KLHL6: variants seen among roughly 807,000 people sequenced by gnomAD.
KLHL6 encodes the protein kelch like family member 6.
KLHL6 carries 41 observed loss-of-function variants against 58.6 expected under a neutral mutation model. The observed-to-expected ratio is 0.70, with a 90% CI of 0.55 to 0.91. The LOEUF is 0.91. Ranked by LOEUF, KLHL6 falls within the 40% of genes least tolerant of loss-of-function variation. KLHL6 has a pLI of 0.00. For missense variants in KLHL6, 714 were observed against 805.6 expected, an observed-to-expected ratio of 0.89 and a Z score of 1.38; for synonymous variants, 338 against 322.7, an observed-to-expected ratio of 1.05 and a Z score of -0.51.
intron 4 of KLHL6, among the ~76,000 whole-genome samples, chr3:183,494,693 A>G (rs1717668458): frequency 6.6e-6 from 1 of 152,224 alleles, no homozygotes; most frequent in Admixed American, 6.5e-5. Flanking sequence ...CAGAAGGCAA[A>G]TTACATGGCA....
chr3:183,500,515 T>C (rs1717841244), intron 3 of KLHL6, among the ~76,000 whole-genome samples: 1 of 152,204 alleles, frequency 6.6e-6, no homozygotes, highest in Non-Finnish European at 1.5e-5. Flanking sequence ...CCATGTGACC[T>C]TGGAGAAGTA....
chr3:183,496,131 A>T (rs1407133876), intron 4 of KLHL6, among the ~76,000 whole-genome samples: 1 of 152,196 alleles, frequency 6.6e-6, no homozygotes, highest in African/African-American at 2.4e-5. Flanking sequence ...ATATAAAGGT[A>T]AAAAACAACC....
At chr3:183,514,519 C>A (rs924257040) in intron 2 of KLHL6, among the ~76,000 whole-genome samples, 4 of 152,002 alleles carry the variant, frequency 2.6e-5, no homozygotes, top group Admixed American at 6.6e-5. Flanking sequence ...ACTCCAGAGC[C>A]CAACTTTTTA....
Position 183,492,573 on chromosome 3 carries a change from C to T in KLHL6, c.1485G>A (p.Lys495=). 6.2e-7 allele frequency: 1 copy of T among 1,614,252 alleles called. No homozygotes were observed. The highest frequency in any genetic ancestry group is 8.5e-7 in the Non-Finnish European group (1 of 1,180,042). ...CGGGCATGGCCGCCTTCAAACTCCA[C>T]TTGTTGGTGGAAGGGTCATAACACT... ...KTQCYDPSTN[K]WSLKAAMPVE... is the part of the protein sequence containing the mutation. The change falls in exon 6 of 7, where the codon AAG becomes AAA. Residue 495 remains lysine (K), a synonymous_variant. Coordinates refer to ENST00000341319, the MANE Select transcript of KLHL6 (RefSeq NM_130446.4). The surrounding 1 kb of genome is among the most constrained non-coding windows in gnomAD (Gnocchi z 5.9).
rs976963479 is a variant in KLHL6, at chr3:183,492,289, A to C, written c.1565-61T>G. The C allele has an allele frequency of 2.0e-5, 29 of 1,457,080 alleles. No individual in the cohort carries two copies. Among genetic ancestry groups the C allele is most frequent in the Non-Finnish European group, 2.5e-5 (27 of 1,085,620 alleles). The allele number at this position is 1,457,080 out of a possible 1,614,324, so 90.3% of individuals were successfully genotyped here. Reference sequence around the variant, plus strand: ...CATTTTTCTGGTTTCTTCCCTCTTAACCACTAAAATTCAACTTCTGATTAG... The same window carrying C: ...CATTTTTCTGGTTTCTTCCCTCTTACCCACTAAAATTCAACTTCTGATTAG... On this transcript the variant is annotated intron_variant, in intron 6 of 6. Transcript: ENST00000341319. This position sits in a 1 kb window ranked among gnomAD's most constrained non-coding sequence, Gnocchi z 5.9.
intron 1 of KLHL6, chr3:183,552,292 A>G (rs1323908067): frequency 6.6e-6 from 1 of 152,260 alleles, no homozygotes; most frequent in African/African-American, 2.4e-5. Flanking sequence ...GTCTGTCCGT[A>G]GGGGACTGTT....
rs1717583080 is a variant in KLHL6, at chr3:183,492,235, A to G, written c.1565-7T>C. On this transcript the variant is annotated splice_region_variant and splice_polypyrimidine_tract_variant and intron_variant, in intron 6 of 6. Transcript: ENST00000341319. The surrounding 1 kb of genome is among the most constrained non-coding windows in gnomAD (Gnocchi z 5.9). ...AGCGCTCTCATGGCCCCACCTGAGG[A>G]GAGGGAGGAAACACGGTGGGCATCG... 6.3e-7 allele frequency: 1 copy of G among 1,580,616 alleles called. No homozygotes were observed. The highest frequency in any genetic ancestry group is 1.8e-5 in the Admixed American group (1 of 55,618).
intron 1 of KLHL6, among the ~76,000 whole-genome samples, chr3:183,534,132 G>GTGCTT (rs1675454448): frequency 6.2e-5 from 1 of 16,064 alleles, no homozygotes; most frequent in African/African-American, 1.2e-4. Context: ...AAAGTACTTT[G>GTGCTT]TACTTTTAAA....
chr3:183,519,756 C>T (rs1560101156), intron 2 of KLHL6, among the ~76,000 whole-genome samples: 1 of 151,270 alleles, frequency 6.6e-6, no homozygotes, highest in African/African-American at 2.4e-5. Flanking sequence ...AAAAGCCGGG[C>T]ATAGTGGTGC....
At chr3:183,533,365 C>T (rs1247372964) in intron 1 of KLHL6, among the ~76,000 whole-genome samples, 2 of 147,452 alleles carry the variant, frequency 1.4e-5, no homozygotes, top group East Asian at 3.9e-4. Context: ...CCTTCTTTTC[C>T]TGGCCTCAAG....
At chr3:183,542,851 GA>G (rs1712594846) in intron 1 of KLHL6, among the ~76,000 whole-genome samples, 1 of 140,928 alleles carries the variant, frequency 7.1e-6, no homozygotes, top group African/African-American at 2.8e-5. Flanking sequence ...CAAATGGATG[GA>G]TACATGGATG....
rs1577174031 is a variant in KLHL6 at position 183,493,775 on chromosome 3, C to T, written c.1350+304G>A. The T allele has an allele frequency of 2.3e-5, 9 of 388,802 alleles. No individual in the cohort carries two copies. In the East Asian group the frequency reaches 3.8e-4, roughly 16 times the overall value. 24.1% of individuals were successfully genotyped at this position (388,802 alleles called of 1,614,324 possible). Reference sequence around the variant, plus strand: ...AGACAAGACTCTACACCAAGACATGCAGACCAAGAGATCTCCCATCTAAGG... The same window carrying T: ...AGACAAGACTCTACACCAAGACATGTAGACCAAGAGATCTCCCATCTAAGG... On this transcript the variant is annotated intron_variant, in intron 5 of 6. Transcript: ENST00000341319.
At chr3:183,552,623 C>G (rs2108702517) in intron 1 of KLHL6, among the ~76,000 whole-genome samples, 1 of 146,256 alleles carries the variant, frequency 6.8e-6, no homozygotes, top group South Asian at 2.1e-4. Context: ...GGGGCTGAGG[C>G]AGGAGAATGG....
rs1347234476 is a variant in KLHL6, at chr3:183,490,981, G to T, written c.*946C>A. 1 of 152,198 alleles carries T rather than the reference G, an allele frequency of 6.6e-6. No individual in the cohort carries two copies. Among genetic ancestry groups the T allele is most frequent in the Non-Finnish European group, 1.5e-5 (1 of 68,058 alleles). 9.4% of individuals were successfully genotyped at this position (152,198 alleles called of 1,614,324 possible). ...ATATTGGTAAAGGGCGGGGACGAGG[G>T]AGGATGCAGAATAAGAAAGAAAAGG... is the stretch of plus-strand genomic sequence containing the variant. On this transcript the variant is annotated 3_prime_UTR_variant, in exon 7 of 7. Coordinates refer to ENST00000341319, the MANE Select transcript of KLHL6 (RefSeq NM_130446.4).
intron 1 of KLHL6, among the ~76,000 whole-genome samples, chr3:183,552,787 A>G (rs1049500338): frequency 2.2e-4 from 33 of 151,546 alleles, no homozygotes; most frequent in African/African-American, 7.7e-4. Flanking sequence ...CCTAAACCTG[A>G]GCATACGAAG....
intron 4 of KLHL6, among the ~76,000 whole-genome samples, chr3:183,497,005 G>A (rs2662765): frequency 0.2 from 30,572 of 152,040 alleles, 3,377 homozygotes; most frequent in Middle Eastern, 0.28. Flanking sequence ...TGGGCCGGGC[G>A]TGGTGGCTCA....
chr3:183,552,434 A>T (rs958981381), intron 1 of KLHL6: 4 of 152,162 alleles, frequency 2.6e-5, no homozygotes, highest in Non-Finnish European at 5.9e-5. Context: ...AGCCTCACAG[A>T]CTGGTCGGGC....
chr3:183,525,479 ACAT>A (rs1330047257), intron 2 of KLHL6, among the ~76,000 whole-genome samples: 2 of 152,178 alleles, frequency 1.3e-5, no homozygotes, highest in Non-Finnish European at 2.9e-5. Context: ...TACTTTGAAA[ACAT>A]CATCTCATCT....
chr3:183,489,762 A>G lies in KLHL6; in HGVS notation c.*2165T>C, dbSNP rs1039361248. ...TAAGGCACAGAGCATTTCACACACC[A>G]ACATACATTTATATTTATCTTCAAT... On this transcript the variant is annotated 3_prime_UTR_variant, in exon 7 of 7. Transcript: ENST00000341319. The G allele has an allele frequency of 6.6e-6, 1 of 152,256 alleles. No homozygotes were observed. Among genetic ancestry groups the G allele is most frequent in the South Asian group, 2.1e-4 (1 of 4,838 alleles). 9.4% of individuals were successfully genotyped at this position (152,256 alleles called of 1,614,324 possible). A position where few individuals can be genotyped will look rare whatever the true frequency, so the allele number is the denominator to read the frequency against.
Sources: gnomAD v4.1 joint callset for allele counts (sites outside exome capture counted in the v4.1 genomes callset) on GRCh38, gnomAD v4.1.1 for gene constraint, Gnocchi (gnomAD v3.1) non-coding constraint, MANE v1.5 for transcripts, NCBI Gene and HGNC (gene_info 2026-07-23, HGNC 2026-07-21) for gene names.